The following CNTN4 variants were observed in gnomAD, a reference collection of about 807,000 sequenced individuals.
The protein encoded by CNTN4 is contactin-4.
A neutral mutation model predicts 122.5 loss-of-function variants in CNTN4; 77 were observed. That is an observed-to-expected ratio of 0.63 (90% confidence interval 0.52 to 0.76). The LOEUF is 0.76. CNTN4 is among the 30% of genes least tolerant of loss of function. The probability of loss-of-function intolerance (pLI) is 0.00; values close to 1 mark genes in which losing one functional copy is unlikely to be tolerated. For missense variants in CNTN4, 1,256 were observed against 1,259.1 expected (o/e 1.00, Z 0.04); for synonymous variants, 512 against 447.0 (o/e 1.15, Z -1.83).
chr3:2,840,805 G>A (rs937515380), intron 7 of CNTN4, among the ~76,000 whole-genome samples: 3 of 152,038 alleles, frequency 2.0e-5, no homozygotes, highest in African/African-American at 7.2e-5. Context: ...AAGAATACTG[G>A]ACCAGAGAAC....
chr3:2,507,320 A>G (rs1224112958), intron 3 of CNTN4, among the ~76,000 whole-genome samples: 3 of 152,146 alleles, frequency 2.0e-5, no homozygotes, highest in Admixed American at 2.0e-4. Context: ...CCAAGTGGTA[A>G]CAACCAAAAA....
chr3:2,638,359 G>T (rs897481063), intron 4 of CNTN4, among the ~76,000 whole-genome samples: 2 of 152,086 alleles, frequency 1.3e-5, no homozygotes, highest in African/African-American at 2.4e-5. Context: ...GCAATAAAAG[G>T]TTTCCCTTTC....
At chr3:2,932,961 T>C (rs376226991) in intron 13 of CNTN4, among the ~76,000 whole-genome samples, 3 of 152,068 alleles carry the variant, frequency 2.0e-5, no homozygotes, top group Non-Finnish European at 4.4e-5. Flanking sequence ...TAGCTGGGAC[T>C]ACAGGCACCC....
intron 3 of CNTN4, among the ~76,000 whole-genome samples, chr3:2,494,003 T>C (rs73806663): frequency 0.027 from 4,098 of 152,222 alleles, 184 homozygotes; most frequent in African/African-American, 0.089. Flanking sequence ...AGAACTGTTA[T>C]ACCAGTCCTG....
chr3:2,751,990 C>G (rs746261145), intron 6 of CNTN4, among the ~76,000 whole-genome samples: 1 of 152,136 alleles, frequency 6.6e-6, no homozygotes, highest in Non-Finnish European at 1.5e-5. Flanking sequence ...CACTACACTT[C>G]CCTTTTAAGG....
chr3:2,600,310 G>C (rs2080980869), intron 4 of CNTN4, among the ~76,000 whole-genome samples: 1 of 151,740 alleles, frequency 6.6e-6, no homozygotes, highest in Non-Finnish European at 1.5e-5. Flanking sequence ...CCATTAACTC[G>C]TCATTTACAT....
intron 2 of CNTN4, among the ~76,000 whole-genome samples, chr3:2,139,610 AG>A (rs1453184241): frequency 6.6e-6 from 1 of 152,214 alleles, no homozygotes; most frequent in East Asian, 1.9e-4. Flanking sequence ...ATAGCTTGGG[AG>A]TGGTAGACAT....
rs374617072 is a variant in CNTN4, at chr3:3,009,441, CT to C, written c.1487-16651del. On this transcript the variant is annotated intron_variant, in intron 14 of 24. Transcript: ENST00000418658. ...TCTGAAAATAATAATGACAGAATTT[CT>C]TTTTTTTTTGAGATGGAGTCTTGCT... Among the ~76,000 whole-genome samples, 471 of 149,168 alleles carry C rather than the reference CT, an allele frequency of 3.2e-3. 2 individuals carry two copies. The highest frequency in any genetic ancestry group is 2.5e-3 in the Non-Finnish European group (170 of 67,090).
At chr3:2,427,103 C>T (rs192533214) in intron 3 of CNTN4, among the ~76,000 whole-genome samples, 1 of 151,956 alleles carries the variant, frequency 6.6e-6, no homozygotes, top group Non-Finnish European at 1.5e-5. Flanking sequence ...TTATTTCTTG[C>T]CTTCTGCTAG....
intron 2 of CNTN4, among the ~76,000 whole-genome samples, chr3:2,283,550 T>A (rs2041800348): frequency 6.6e-6 from 1 of 152,130 alleles, no homozygotes; most frequent in Admixed American, 6.6e-5. Context: ...GGTTAATCAA[T>A]GCTGTATAGC....
intron 14 of CNTN4, among the ~76,000 whole-genome samples, chr3:2,990,680 T>A (rs995115935): frequency 2.0e-5 from 3 of 152,210 alleles, no homozygotes; most frequent in African/African-American, 7.2e-5. Context: ...TGAATCACGA[T>A]GCAAAGCCTA....
intron 13 of CNTN4, among the ~76,000 whole-genome samples, chr3:2,973,640 A>T (rs1352375806): frequency 1.3e-5 from 2 of 152,080 alleles, no homozygotes; most frequent in Admixed American, 6.5e-5. Flanking sequence ...ATGAATTTTA[A>T]TCCAATAATC....
intron 15 of CNTN4, among the ~76,000 whole-genome samples, chr3:3,029,073 A>T (rs1698961233): frequency 6.6e-6 from 1 of 152,208 alleles, no homozygotes; most frequent in African/African-American, 2.4e-5. Context: ...TAATCCTCAC[A>T]GAAATCTTGT....
At chr3:2,352,904 T>G (rs1398529127) in intron 3 of CNTN4, among the ~76,000 whole-genome samples, 1 of 152,162 alleles carries the variant, frequency 6.6e-6, no homozygotes. Context: ...CAGCACTCTG[T>G]GTCTAGCTGA....
At chr3:2,534,409 G>A (rs2077718839) in intron 3 of CNTN4, among the ~76,000 whole-genome samples, 1 of 152,048 alleles carries the variant, frequency 6.6e-6, no homozygotes, top group Non-Finnish European at 1.5e-5. Flanking sequence ...AAAGATGTGT[G>A]GTATTATTTC....
At chr3:3,010,188 G>C (rs1203465924) in intron 14 of CNTN4, among the ~76,000 whole-genome samples, 2 of 151,902 alleles carry the variant, frequency 1.3e-5, no homozygotes, top group East Asian at 3.9e-4. Context: ...GGATGGGGAG[G>C]GTTAGTCACC....
intron 13 of CNTN4, among the ~76,000 whole-genome samples, chr3:2,969,173 C>T (rs1305568606): frequency 6.6e-6 from 1 of 152,176 alleles, no homozygotes; most frequent in East Asian, 1.9e-4. Context: ...ATCATCAAGA[C>T]TTCATTTTTG....
At chr3:2,440,868 T>C (rs2048412813) in intron 3 of CNTN4, among the ~76,000 whole-genome samples, 1 of 72,658 alleles carries the variant, frequency 1.4e-5, no homozygotes, top group Non-Finnish European at 3.5e-5. Context: ...ATATCTAACA[T>C]ATATGTATAT....
At chr3:2,720,522 T>A (rs1256560301) in intron 4 of CNTN4, among the ~76,000 whole-genome samples, 5 of 152,284 alleles carry the variant, frequency 3.3e-5, no homozygotes, top group African/African-American at 9.6e-5. Context: ...TGGAAAGATG[T>A]GCTTGCTCAC....
Sources: gnomAD v4.1 joint callset for allele counts (sites outside exome capture counted in the v4.1 genomes callset) on GRCh38, gnomAD v4.1.1 for gene constraint, MANE v1.5 for transcripts, NCBI Gene and HGNC (gene_info 2026-07-23, HGNC 2026-07-21) for gene names.